Variants in CAST observed in about 807,000 individuals in gnomAD.
CAST encodes MIR583 host.
In CAST, 76 loss-of-function variants were observed where a neutral mutation model predicts 119.6. The observed-to-expected ratio is 0.64, with a 90% CI of 0.53 to 0.77. CAST has a LOEUF of 0.77. CAST is among the 30% of genes least tolerant of loss of function. CAST has a pLI of 0.00. For missense variants in CAST, 953 were observed against 946.5 expected (o/e 1.01, Z -0.09); for synonymous variants, 319 against 331.6 (o/e 0.96, Z 0.41).
chr5:96,010,592 A>G, the CAST span, among the ~76,000 whole-genome samples: 28 of 152,306 alleles, frequency 1.8e-4, no homozygotes, highest in South Asian at 4.6e-3. Flanking sequence ...GATTACAGGC[A>G]TGAGCCACCA....
chr5:96,478,621 T>A, the CAST span, among the ~76,000 whole-genome samples: 6 of 152,258 alleles, frequency 3.9e-5, no homozygotes, highest in East Asian at 1.2e-3. Flanking sequence ...AATATACCTA[T>A]ACACAGTCTT....
chr5:96,360,941 T>G, the CAST span, among the ~76,000 whole-genome samples: 1 of 152,178 alleles, frequency 6.6e-6, no homozygotes, highest in Non-Finnish European at 1.5e-5. Context: ...CAGCTGCCCC[T>G]TCCCCCAGGT....
the CAST span, among the ~76,000 whole-genome samples, chr5:96,333,085 C>A: frequency 6.6e-6 from 1 of 151,740 alleles, no homozygotes; most frequent in Non-Finnish European, 1.5e-5. Flanking sequence ...CCTTGCCATT[C>A]CCTGATTCCA....
the CAST span, among the ~76,000 whole-genome samples, chr5:96,016,638 C>G: frequency 1.3e-5 from 2 of 152,102 alleles, no homozygotes; most frequent in Non-Finnish European, 2.9e-5. Flanking sequence ...ATTATTTTAT[C>G]TTTCCTAACT....
chr5:96,682,297 C>G (rs1751519936), intron 2 of CAST, among the ~76,000 whole-genome samples: 1 of 152,126 alleles, frequency 6.6e-6, no homozygotes. Flanking sequence ...AAGTTTGCCC[C>G]CCACATATTT....
chr5:96,760,119 T>C (rs1295395079), intron 24 of CAST, among the ~76,000 whole-genome samples: 1 of 152,038 alleles, frequency 6.6e-6, no homozygotes, highest in Admixed American at 6.5e-5. Context: ...TGGGGTCACA[T>C]AGTTGCTTCT....
chr5:96,494,205 C>T, the CAST span, among the ~76,000 whole-genome samples: 5 of 152,214 alleles, frequency 3.3e-5, no homozygotes, highest in Admixed American at 6.5e-5. Flanking sequence ...TTCTCAGAGG[C>T]GATGAACTAC....
At chr5:96,257,473 G>T in the CAST span, among the ~76,000 whole-genome samples, 2 of 152,178 alleles carry the variant, frequency 1.3e-5, no homozygotes, top group Non-Finnish European at 2.9e-5. Flanking sequence ...AAATAAAGTG[G>T]GGATATCTTG....
chr5:96,617,787 A>G (rs996341158), intron 1 of CAST, among the ~76,000 whole-genome samples: 2 of 113,932 alleles, frequency 1.8e-5, no homozygotes, highest in Admixed American at 1.0e-4. Context: ...GCAAAATTCC[A>G]TCTAAAAAAA....
At chr5:96,712,763 C>T (rs1401325548) in intron 3 of CAST, among the ~76,000 whole-genome samples, 1 of 150,958 alleles carries the variant, frequency 6.6e-6, no homozygotes, top group Non-Finnish European at 1.5e-5. Flanking sequence ...TATTTCACTC[C>T]CCATTTTCAT....
chr5:96,615,640 G>A (rs368380260), intron 1 of CAST, among the ~76,000 whole-genome samples: 27 of 152,198 alleles, frequency 1.8e-4, no homozygotes, highest in African/African-American at 6.5e-4. Flanking sequence ...TCAGGTGGAG[G>A]TGTATGGTAG....
intron 29 of CAST, chr5:96,768,469 C>T (rs1770868533): frequency 2.2e-6 from 1 of 447,390 alleles, no homozygotes. Context: ...TATAATTCCA[C>T]TGCCCCCAAA....
chr5:96,052,881 C>T, the CAST span, among the ~76,000 whole-genome samples: 2 of 152,144 alleles, frequency 1.3e-5, no homozygotes. Context: ...GAATATTTCT[C>T]TGGTGCTTTT....
the CAST span, among the ~76,000 whole-genome samples, chr5:96,406,203 C>T: frequency 2.6e-5 from 4 of 152,170 alleles, no homozygotes; most frequent in South Asian, 8.3e-4. Flanking sequence ...AAGACTGAAC[C>T]CCACAAGTAA....
chr5:96,004,317 G>T, the CAST span, among the ~76,000 whole-genome samples: 2 of 152,154 alleles, frequency 1.3e-5, no homozygotes, highest in Admixed American at 6.5e-5. Context: ...AGCATATCTT[G>T]TTCCTTCAAT....
the CAST span, among the ~76,000 whole-genome samples, chr5:96,283,990 C>T: frequency 6.6e-6 from 1 of 152,066 alleles, no homozygotes; most frequent in South Asian, 2.1e-4. Context: ...TACCATTGGA[C>T]TGGGGTAGGG....
the CAST span, among the ~76,000 whole-genome samples, chr5:96,330,824 A>G: frequency 3.3e-5 from 5 of 152,172 alleles, no homozygotes; most frequent in Non-Finnish European, 7.3e-5. Context: ...TTGAGAAGGT[A>G]GCCCATTATG....
At chr5:96,108,462 A>G in the CAST span, among the ~76,000 whole-genome samples, 76 of 150,378 alleles carry the variant, frequency 5.1e-4, 1 homozygote, top group East Asian at 6.7e-3. Flanking sequence ...CTCAGCTGCA[A>G]GTCTGTTGGA....
chr5:96,059,808 A>T, the CAST span, among the ~76,000 whole-genome samples: 5 of 152,156 alleles, frequency 3.3e-5, no homozygotes, highest in Admixed American at 6.6e-5. Flanking sequence ...AAGGAGGCCA[A>T]GTGGAAGCCT....
Sources: gnomAD v4.1 joint callset for allele counts (sites outside exome capture counted in the v4.1 genomes callset) on GRCh38, gnomAD v4.1.1 for gene constraint, MANE v1.5 for transcripts, NCBI Gene and HGNC (gene_info 2026-07-23, HGNC 2026-07-21) for gene names.